DPP10: variants seen among roughly 807,000 people sequenced by gnomAD.
DPP10 encodes the protein dipeptidyl peptidase like 10, also known as inactive dipeptidyl peptidase 10.
Under a neutral mutation model 120.9 loss-of-function variants are expected in DPP10, and 33 were observed. That is an observed-to-expected ratio of 0.27 (90% CI 0.21 to 0.37). DPP10 has a LOEUF of 0.37. DPP10 is among the 10% of genes least tolerant of loss of function. The pLI, the probability that DPP10 is intolerant of heterozygous loss-of-function variation, is 1.00. For missense variants in DPP10, 816 were observed against 942.8 expected, an observed-to-expected ratio of 0.87 and a Z score of 1.76; for synonymous variants, 337 against 326.1, an observed-to-expected ratio of 1.03 and a Z score of -0.36.
At position 115,464,485 on chromosome 2, in the gene DPP10, G is replaced by T. The variant is rs149549898; in HGVS notation, c.272-35025G>T. On this transcript the variant is annotated intron_variant, in intron 3 of 25. Transcript: ENST00000410059. ...AGAACTAGCACCTGACACCTGCCCT[G>T]TGTCTAACACTAGGTTTTTTTTCAC... 6.0e-3 allele frequency among the ~76,000 whole-genome samples: 905 copies of T among 151,894 alleles called. 9 individuals are homozygous for T. Among genetic ancestry groups the T allele is most frequent in the South Asian group, 0.03 (143 of 4,800 alleles).
Position 114,737,004 on chromosome 2 carries a change from T to C in DPP10, c.60+294166T>C, listed in dbSNP as rs537174770. Among the ~76,000 whole-genome samples the C allele has an allele frequency of 2.6e-5, 4 of 152,344 alleles. No individual in the cohort carries two copies. In the South Asian group the frequency reaches 8.3e-4, roughly 32 times the overall value. ...CATGTATAAATGTACCTTCTGTAAT[T>C]GTTGCCATCTACGGTATTATCCAAG... On this transcript the variant is annotated intron_variant, in intron 1 of 25. Coordinates refer to ENST00000410059, the MANE Select transcript of DPP10 (RefSeq NM_020868.6).
chr2:115,382,647 A>G (rs898522929), intron 3 of DPP10, among the ~76,000 whole-genome samples: 7 of 152,086 alleles, frequency 4.6e-5, no homozygotes, highest in Non-Finnish European at 7.4e-5. Context: ...ATTGCTTTTA[A>G]TGAAGGAGAG....
chr2:114,823,264 A>T, intron 1 of DPP10, among the ~76,000 whole-genome samples: 1 of 152,156 alleles, frequency 6.6e-6, no homozygotes, highest in East Asian at 1.9e-4. Flanking sequence ...AATGAGTGCC[A>T]AACAAAACGG....
At chr2:115,532,957 C>T (rs2078560818) in intron 5 of DPP10, among the ~76,000 whole-genome samples, 2 of 151,692 alleles carry the variant, frequency 1.3e-5, no homozygotes, top group Non-Finnish European at 2.9e-5. Flanking sequence ...ATTTTTAAGC[C>T]ATCCTTAAAA....
chr2:115,336,285 CA>C (rs1397161400), intron 2 of DPP10, among the ~76,000 whole-genome samples: 6 of 151,956 alleles, frequency 3.9e-5, no homozygotes, highest in Non-Finnish European at 7.4e-5. Context: ...CAGAAAAGAA[CA>C]TGGCGTGAAT....
rs183138642 is a variant in DPP10 at position 115,468,049 on chromosome 2, T to G, written c.272-31461T>G. 3.4e-5 allele frequency: 13 copies of G among 380,400 alleles called. No individual in the cohort carries two copies. The Admixed American group carries it at 3.6e-4, about 11-fold the overall frequency. The allele number at this position is 380,400 out of a possible 1,614,324, so 23.6% of individuals were successfully genotyped here. ...TTCCCGCTGTAACTTAAAGGGAAGC[T>G]TTTACAATGTCTGGAACCTGCGATG... On this transcript the variant is annotated intron_variant, in intron 3 of 25. Transcript: ENST00000410059.
At chr2:115,108,816 C>T (rs956980989) in intron 1 of DPP10, among the ~76,000 whole-genome samples, 3 of 152,002 alleles carry the variant, frequency 2.0e-5, no homozygotes, top group South Asian at 2.1e-4. Flanking sequence ...AATGTTATTG[C>T]GGCATGATCA....
intron 1 of DPP10, among the ~76,000 whole-genome samples, chr2:114,708,427 T>G (rs185106789): frequency 5.3e-4 from 80 of 152,302 alleles, no homozygotes; most frequent in African/African-American, 1.8e-3. Flanking sequence ...TCCCAAAAAC[T>G]ACAGCAGAAG....
intron 1 of DPP10, among the ~76,000 whole-genome samples, chr2:114,753,753 C>T (rs1191062356): frequency 6.6e-6 from 1 of 151,378 alleles, no homozygotes; most frequent in Non-Finnish European, 1.5e-5. Context: ...ACTTAAAATA[C>T]AAAAAATTAG....
intron 3 of DPP10, among the ~76,000 whole-genome samples, chr2:115,475,290 C>A (rs1174013915): frequency 6.6e-6 from 1 of 152,214 alleles, no homozygotes; most frequent in East Asian, 1.9e-4. Context: ...CATGGCTCAA[C>A]AAGGCCCAGG....
At chr2:115,719,743 T>C (rs941182741) in intron 7 of DPP10, among the ~76,000 whole-genome samples, 1 of 152,312 alleles carries the variant, frequency 6.6e-6, no homozygotes, top group East Asian at 1.9e-4. Flanking sequence ...TGCTGATATA[T>C]ATTCTATATA....
At chr2:114,539,716 G>T (rs1181367939) in intron 1 of DPP10, among the ~76,000 whole-genome samples, 1 of 152,044 alleles carries the variant, frequency 6.6e-6, no homozygotes, top group African/African-American at 2.4e-5. Context: ...CTGGCACAAA[G>T]AATATACTCA....
At chr2:115,474,072 T>G (rs1307743516) in intron 3 of DPP10, among the ~76,000 whole-genome samples, 3 of 152,214 alleles carry the variant, frequency 2.0e-5, no homozygotes, top group Non-Finnish European at 2.9e-5. Context: ...GACTCAATCC[T>G]GTCAATATCT....
chr2:115,047,339 G>A (rs994138982), intron 1 of DPP10, among the ~76,000 whole-genome samples: 7 of 151,440 alleles, frequency 4.6e-5, no homozygotes, highest in African/African-American at 9.7e-5. Flanking sequence ...TAATGTCATC[G>A]CTCTTTGCCA....
chr2:115,517,710 G>A (rs547596895), intron 4 of DPP10, among the ~76,000 whole-genome samples: 25 of 152,124 alleles, frequency 1.6e-4, no homozygotes, highest in Admixed American at 5.9e-4. Flanking sequence ...TTGACAATAC[G>A]TGAAGAGACA....
intron 1 of DPP10, among the ~76,000 whole-genome samples, chr2:114,663,242 GTGTATATATATATATATC>G (rs978786223): frequency 3.7e-5 from 5 of 133,972 alleles, no homozygotes; most frequent in African/African-American, 1.3e-4. Flanking sequence ...AGCCTTGTGT[GTGTATATATATATATATC>G]TATATATATA....
chr2:114,515,303 G>A (rs13416399), intron 1 of DPP10, among the ~76,000 whole-genome samples: 23,682 of 152,068 alleles, frequency 0.16, 1,975 homozygotes, highest in East Asian at 0.25. Flanking sequence ...TAAAGGTACC[G>A]AAGTCCAGAC....
chr2:115,840,311 G>GTGTTTT (rs1575965088), intron 24 of DPP10, among the ~76,000 whole-genome samples: 2 of 33,242 alleles, frequency 6.0e-5, no homozygotes. Flanking sequence ...CAGATATAAG[G>GTGTTTT]TTTTTTGGTT....
intron 1 of DPP10, among the ~76,000 whole-genome samples, chr2:114,594,856 C>T (rs904671726): frequency 5.3e-5 from 8 of 152,000 alleles, no homozygotes; most frequent in African/African-American, 1.9e-4. Context: ...TCTGACTCTG[C>T]TTACCTTTCC....
Sources: allele counts gnomAD v4.1 joint callset (sites outside exome capture counted in the v4.1 genomes callset), GRCh38; gene constraint gnomAD v4.1.1; transcripts MANE v1.5; gene names NCBI Gene and HGNC (gene_info 2026-07-23, HGNC 2026-07-21).